The following CSMD2 variants were observed in gnomAD, a reference collection of about 807,000 sequenced individuals.
CSMD2 encodes the protein CUB and sushi domain-containing protein 2.
CSMD2 carries 130 observed loss-of-function variants against 398.5 expected under a neutral mutation model. The ratio of observed to expected loss-of-function variants is 0.33; its 90% CI spans 0.28 to 0.38. The LOEUF is 0.38. Among genes scored for constraint, CSMD2 ranks in the 10% least tolerant of loss-of-function variants. CSMD2 has a pLI of 1.00. For missense variants in CSMD2, 3,829 were observed against 4,764.9 expected, an observed-to-expected ratio of 0.80 and a Z score of 5.78; for synonymous variants, 1,828 against 1,908.5, an observed-to-expected ratio of 0.96 and a Z score of 1.10.
intron 31 of CSMD2, among the ~76,000 whole-genome samples, chr1:33,634,806 T>A (rs1319159588): frequency 6.6e-6 from 1 of 152,132 alleles, no homozygotes; most frequent in Non-Finnish European, 1.5e-5. Flanking sequence ...CTCCCTCACC[T>A]GCACTTTCAA....
intron 3 of CSMD2, among the ~76,000 whole-genome samples, chr1:34,021,051 G>T (rs2053033794): frequency 6.6e-6 from 1 of 152,176 alleles, no homozygotes; most frequent in African/African-American, 2.4e-5. Flanking sequence ...CTGTTAAAAT[G>T]AAATATCAGT....
chr1:33,680,383 T>C (rs992682097), intron 25 of CSMD2, among the ~76,000 whole-genome samples: 1 of 152,138 alleles, frequency 6.6e-6, no homozygotes, highest in Non-Finnish European at 1.5e-5. Context: ...CTGCTTTCCC[T>C]GCCACAGGTC....
At position 33,693,055 on chromosome 1, in the gene CSMD2, G is replaced by C. The variant is rs148386093; in HGVS notation, c.3927C>G (p.Ala1309=). ...CTCCTCTCACTGTCCCTCCACACTC[G>C]GCTGAAAGAAATCCCAAAAGAGTGA... is the stretch of plus-strand genomic sequence containing the variant. ...TWDRPLPTCV[A]ECGGTVRGEV... Residue 1309 remains alanine (A), a splice_region_variant and synonymous_variant, in exon 25 of 71, where the codon GCC becomes GCG. Coordinates refer to ENST00000373381, the MANE Select transcript of CSMD2 (RefSeq NM_001281956.2). 1 of 1,590,514 alleles carries C rather than the reference G, an allele frequency of 6.3e-7. No homozygotes were observed. Among genetic ancestry groups the C allele is most frequent in the Non-Finnish European group, 8.5e-7 (1 of 1,170,896 alleles).
At chr1:33,696,910 C>A (rs1453542639) in intron 24 of CSMD2, among the ~76,000 whole-genome samples, 1 of 152,154 alleles carries the variant, frequency 6.6e-6, no homozygotes, top group African/African-American at 2.4e-5. Context: ...ATGTTTTAAG[C>A]TATAGCAGTC....
At chr1:34,006,380 G>A (rs780376793) in intron 3 of CSMD2, among the ~76,000 whole-genome samples, 16 of 151,994 alleles carry the variant, frequency 1.1e-4, no homozygotes, top group Non-Finnish European at 1.9e-4. Flanking sequence ...ACCTAGAGCC[G>A]CCAATAGATC....
intron 25 of CSMD2, among the ~76,000 whole-genome samples, chr1:33,672,683 C>T (rs919362749): frequency 5.9e-5 from 9 of 152,232 alleles, no homozygotes; most frequent in African/African-American, 2.2e-4. Flanking sequence ...GTCCCTGACC[C>T]CCGAGTAGCC....
At chr1:33,797,251 G>T (rs1291892784) in intron 10 of CSMD2, among the ~76,000 whole-genome samples, 1 of 152,146 alleles carries the variant, frequency 6.6e-6, no homozygotes. Flanking sequence ...TGGCTTTAAG[G>T]TTCAGGTGGA....
chr1:33,568,407 G>A (rs1003569970), intron 52 of CSMD2, among the ~76,000 whole-genome samples: 1 of 151,998 alleles, frequency 6.6e-6, no homozygotes, highest in African/African-American at 2.4e-5. Context: ...GGCTGGTCTC[G>A]AACTCCTGGC....
At chr1:33,968,652 T>C (rs1274078700) in intron 3 of CSMD2, among the ~76,000 whole-genome samples, 2 of 152,172 alleles carry the variant, frequency 1.3e-5, no homozygotes, top group Non-Finnish European at 2.9e-5. Context: ...GACACCTGAA[T>C]GAGCTTGGAA....
At chr1:33,643,307 T>C (rs77466107) in intron 29 of CSMD2, among the ~76,000 whole-genome samples, 212 of 152,334 alleles carry the variant, frequency 1.4e-3, no homozygotes, top group African/African-American at 4.8e-3. Flanking sequence ...ATTCATGTTA[T>C]AAATATCCCA....
intron 2 of CSMD2, among the ~76,000 whole-genome samples, chr1:34,081,244 C>T (rs905617924): frequency 2.6e-5 from 4 of 152,108 alleles, no homozygotes; most frequent in African/African-American, 7.2e-5. Flanking sequence ...CTTGCTGCTG[C>T]CTCTCCACAC....
intron 5 of CSMD2, among the ~76,000 whole-genome samples, chr1:33,896,175 T>C (rs549018260): frequency 1.8e-4 from 28 of 152,100 alleles, no homozygotes; most frequent in Admixed American, 5.9e-4. Context: ...AGAAAACCAA[T>C]GAATCATCCT....
chr1:33,889,823 T>C (rs1320557542), intron 5 of CSMD2, among the ~76,000 whole-genome samples: 5 of 151,768 alleles, frequency 3.3e-5, no homozygotes, highest in East Asian at 3.9e-4. Context: ...CCTAGGCTAA[T>C]AGACCAACTT....
At chr1:33,548,601 C>T (rs1040212985) in intron 56 of CSMD2, among the ~76,000 whole-genome samples, 4 of 152,178 alleles carry the variant, frequency 2.6e-5, no homozygotes, top group Non-Finnish European at 5.9e-5. Flanking sequence ...GCAGGAGATG[C>T]CACTGCAAAA....
chr1:34,085,174 G>A (rs1421939173), intron 2 of CSMD2, among the ~76,000 whole-genome samples: 1 of 151,956 alleles, frequency 6.6e-6, no homozygotes, highest in African/African-American at 2.4e-5. Flanking sequence ...GGTGGGAATT[G>A]AACAATGACA....
intron 44 of CSMD2, among the ~76,000 whole-genome samples, chr1:33,589,166 G>T (rs948314230): frequency 3.3e-5 from 5 of 152,306 alleles, no homozygotes; most frequent in African/African-American, 1.2e-4. Context: ...GTTTACCTTT[G>T]ATTTAACATA....
rs146379128 is a variant in CSMD2 at position 33,621,975 on chromosome 1, C to T, written c.5827+192G>A. 5.3e-5 allele frequency among the ~76,000 whole-genome samples: 8 copies of T among 152,324 alleles called. No individual in the cohort carries two copies. The East Asian group carries it at 1.2e-3, about 22-fold the overall frequency. Reference sequence around the variant, plus strand: ...GGCATACAGGTTTTCGAGTAACAGACACTTGGACGAGAACACAGCCTTGAG... The same window carrying T: ...GGCATACAGGTTTTCGAGTAACAGATACTTGGACGAGAACACAGCCTTGAG... On this transcript the variant is annotated intron_variant, in intron 37 of 70. Coordinates refer to ENST00000373381, the MANE Select transcript of CSMD2 (RefSeq NM_001281956.2).
chr1:34,121,079 C>T (rs1032448134), intron 1 of CSMD2, among the ~76,000 whole-genome samples: 1 of 152,120 alleles, frequency 6.6e-6, no homozygotes, highest in Non-Finnish European at 1.5e-5. Context: ...ATTACTGAAT[C>T]CTCAGAATCA....
At chr1:33,954,916 T>C (rs1645117214) in intron 3 of CSMD2, among the ~76,000 whole-genome samples, 2 of 152,180 alleles carry the variant, frequency 1.3e-5, no homozygotes, top group African/African-American at 2.4e-5. Context: ...AATGTGAATG[T>C]ACTTAATGCC....
Sources: allele counts gnomAD v4.1 joint callset (sites outside exome capture counted in the v4.1 genomes callset), GRCh38; gene constraint gnomAD v4.1.1; transcripts MANE v1.5; gene names NCBI Gene and HGNC (gene_info 2026-07-23, HGNC 2026-07-21).